The following SLC16A6 variants were observed in gnomAD, a reference collection of about 807,000 sequenced individuals.
SLC16A6 encodes the protein solute carrier family 16 member 6, also known as monocarboxylate transporter 7.
In SLC16A6, 15 loss-of-function variants were observed where a neutral mutation model predicts 33.8. The ratio of observed to expected loss-of-function variants is 0.44; its 90% CI spans 0.30 to 0.68. The LOEUF is 0.68. Among genes scored for constraint, SLC16A6 ranks in the 30% least tolerant of loss-of-function variants. SLC16A6 has a pLI of 0.10. For synonymous variants in SLC16A6, 219 were observed against 248.4 expected (o/e 0.88, Z 1.11); for missense variants, 451 against 661.5 (o/e 0.68, Z 3.49).
At chr17:68,278,584 G>A (rs2075597526) in intron 1 of SLC16A6, among the ~76,000 whole-genome samples, 1 of 150,582 alleles carries the variant, frequency 6.6e-6, no homozygotes, top group Admixed American at 6.6e-5. Context: ...ACAGGCATGT[G>A]CCACCACAGC....
At chr17:68,281,797 C>G (rs1216598882) in intron 1 of SLC16A6, among the ~76,000 whole-genome samples, 4 of 152,096 alleles carry the variant, frequency 2.6e-5, no homozygotes, top group African/African-American at 9.7e-5. Context: ...GAAAAGAACT[C>G]TTATACACTG....
Position 68,271,462 on chromosome 17 carries a change from G to A in SLC16A6, c.698C>T (p.Thr233Ile). 1 of 1,614,164 alleles carries A rather than the reference G, an allele frequency of 6.2e-7. No individual in the cohort carries two copies. The change falls in exon 5 of 6, where the codon ACC becomes ATC. Residue 233 changes from threonine (T) to isoleucine (I), a missense_variant. By Grantham distance (89) the Thr-to-Ile change is moderately conservative. This residue lies in a region of SLC16A6 where 405 missense variants were observed against 510.7 expected (regional missense o/e 0.79). Coordinates refer to ENST00000580666, the MANE Select transcript of SLC16A6 (RefSeq NM_004694.5). The surrounding 1 kb of genome is among the most constrained non-coding windows in gnomAD (Gnocchi z 5.3). ...TCCTGAGTCAATGGAGTCTATTGAGGTTCGTGTTTTCTCATTTTCAAGCAT... is the reference window on the plus strand; with the variant it reads ...TCCTGAGTCAATGGAGTCTATTGAGATTCGTGTTTTCTCATTTTCAAGCAT... ...QYMLENEKTR[T>I]SIDSIDSGVE...
chr17:68,287,167 A>G (rs1449947993), intron 1 of SLC16A6, among the ~76,000 whole-genome samples: 2 of 152,054 alleles, frequency 1.3e-5, no homozygotes, highest in African/African-American at 2.4e-5. Context: ...TTTAGTAGAG[A>G]TGGAGTTTCA....
rs1243144960 is a variant in SLC16A6 at position 68,267,319 on chromosome 17, G to GTTC, written c.*1774_*1776dup. On this transcript the variant is annotated 3_prime_UTR_variant, in exon 6 of 6. Transcript: ENST00000580666. ...TCTGCAAAACTGCCACAAGCTCAAA[G>GTTC]TTCTCAAGCAGTGACAGAGATTTGC... 6.6e-6 allele frequency: 1 copy of GTTC among 152,154 alleles called. No individual in the cohort carries two copies. The highest frequency in any genetic ancestry group is 1.5e-5 in the Non-Finnish European group (1 of 68,024). 9.4% of individuals were successfully genotyped at this position (152,154 alleles called of 1,614,324 possible). A position where few individuals can be genotyped will look rare whatever the true frequency, so the allele number is the denominator to read the frequency against.
chr17:68,283,261 C>T (rs140720333), intron 1 of SLC16A6: 6,503 of 152,472 alleles, frequency 0.043, 203 homozygotes, highest in Middle Eastern at 0.074. Flanking sequence ...TGGCTCACGC[C>T]TGTAATCCTA....
At chr17:68,276,667 T>C (rs1555751071) in intron 2 of SLC16A6, among the ~76,000 whole-genome samples, 2 of 152,260 alleles carry the variant, frequency 1.3e-5, no homozygotes, top group South Asian at 2.1e-4. Context: ...TTGCCCAGGC[T>C]AGTCTCAAAC....
In SLC16A6 at chr17:68,279,225, T is replaced by C. The variant is rs557132065; in HGVS notation, c.-7-898A>G. 9.1e-4 allele frequency among the ~76,000 whole-genome samples: 139 copies of C among 152,156 alleles called. 1 individual carries two copies. The highest frequency in any genetic ancestry group is 3.4e-3 in the Middle Eastern group (1 of 294). Reference sequence around the variant, plus strand: ...GAAAACGGAGGCTGAAAAGCAAACATTGGCGGTGCATCCAGCACCTTCCAC... The same window carrying C: ...GAAAACGGAGGCTGAAAAGCAAACACTGGCGGTGCATCCAGCACCTTCCAC... On this transcript the variant is annotated intron_variant, in intron 1 of 5. Transcript: ENST00000580666.
chr17:68,287,140 T>A (rs1599565571), intron 1 of SLC16A6, among the ~76,000 whole-genome samples: 1 of 152,154 alleles, frequency 6.6e-6, no homozygotes, highest in East Asian at 1.9e-4. Flanking sequence ...TGCGCCACCA[T>A]GCCCGGCTAA....
In SLC16A6 at chr17:68,278,204, G is replaced by A. The variant is rs141096283; in HGVS notation, c.117C>T (p.Tyr39=). 577 of 1,614,070 alleles carry A rather than the reference G, an allele frequency of 3.6e-4. 2 individuals are homozygous for A. Among genetic ancestry groups the A allele is most frequent in the Admixed American group, 3.8e-4 (23 of 60,016 alleles). Residue 39 remains tyrosine, a synonymous_variant, in exon 2 of 6, where the codon TAC becomes TAT. Coordinates refer to ENST00000580666, the MANE Select transcript of SLC16A6 (RefSeq NM_004694.5). Reference sequence around the variant, plus strand: ...AGACACCAAATGTCTTGATGATGCCGTAGGTGAAGACTTCAACGAAGAAAA... The same window carrying A: ...AGACACCAAATGTCTTGATGATGCCATAGGTGAAGACTTCAACGAAGAAAA... ...VSFFFVEVFT[Y]GIIKTFGVFF...
At chr17:68,269,836 G>T (rs12944412) in intron 5 of SLC16A6, among the ~76,000 whole-genome samples, 44,380 of 151,732 alleles carry the variant, frequency 0.29, 6,951 homozygotes, top group East Asian at 0.5. Context: ...ACCATGCCCA[G>T]CTACTTTTGT....
In SLC16A6 at chr17:68,271,302, G is replaced by A; in HGVS notation, c.858C>T (p.Phe286=). The change falls in exon 5 of 6, where the codon TTC becomes TTT. Residue 286 remains phenylalanine (F), a synonymous_variant. Transcript: ENST00000580666. The surrounding 1 kb of genome is among the most constrained non-coding windows in gnomAD (Gnocchi z 5.3). ...TAAAACTTTTCTCTTTCAAAATGGA[G>A]AAGTCTAATAGCGGGGCTTTCTTTT... ...PSEKKAPLLD[F]SILKEKSFIC... 6.2e-7 allele frequency: 1 copy of A among 1,614,222 alleles called. No homozygotes were observed. The highest frequency in any genetic ancestry group is 2.2e-5 in the East Asian group (1 of 44,890).
rs1555747218 is a variant in SLC16A6 at position 68,268,648 on chromosome 17, TGGGTTGGATGTTGTTTTATTC to T, written c.*427_*447del. 2.0e-5 allele frequency: 3 copies of T among 152,600 alleles called. No individual in the cohort carries two copies. The highest frequency in any genetic ancestry group is 6.5e-5 in the Admixed American group (1 of 15,334). 9.5% of individuals were successfully genotyped at this position (152,600 alleles called of 1,614,324 possible). ...ACTGGCCAATTTCATTTCAATGACC[TGGGTTGGATGTTGTTTTATTC>T]AGGAGAGTAGTTTATTCAGACAAGA... is the stretch of plus-strand genomic sequence containing the variant. On this transcript the variant is annotated 3_prime_UTR_variant, in exon 6 of 6. Transcript: ENST00000580666.
In SLC16A6 at chr17:68,272,769, T is replaced by A. The variant is rs1555749469; in HGVS notation, c.377-2A>T. The A allele has an allele frequency of 1.2e-6, 2 of 1,613,634 alleles. No homozygotes were observed. Among genetic ancestry groups the A allele is most frequent in the South Asian group, 1.1e-5 (1 of 91,022 alleles). The stretch of plus-strand genomic sequence containing the variant: ...GAAAACTAAAGCAGTATCCCAGACC[T>A]GTGAAAGAAAAGTCAAAAAAGCCAA... On this transcript the variant is annotated splice_acceptor_variant, in intron 3 of 5. Transcript: ENST00000580666. LOFTEE classifies it high-confidence loss of function.
chr17:68,276,615 A>G (rs537741058), intron 2 of SLC16A6, among the ~76,000 whole-genome samples: 11 of 151,516 alleles, frequency 7.3e-5, no homozygotes, highest in African/African-American at 2.4e-4. Flanking sequence ...TGCCCGGCCA[A>G]TTTTTTATTT....
chr17:68,273,093 A>G (rs1473156931), intron 3 of SLC16A6, among the ~76,000 whole-genome samples: 3 of 152,192 alleles, frequency 2.0e-5, no homozygotes, highest in East Asian at 3.8e-4. Flanking sequence ...CTAGAAAGAA[A>G]TAAGTCATTT....
intron 1 of SLC16A6, among the ~76,000 whole-genome samples, chr17:68,289,435 A>G (rs2075916623): frequency 6.6e-6 from 1 of 152,194 alleles, no homozygotes; most frequent in Non-Finnish European, 1.5e-5. Flanking sequence ...TCAGAGTGTT[A>G]TTCCAGGGTC....
chr17:68,288,228 C>T (rs1555754841), intron 1 of SLC16A6, among the ~76,000 whole-genome samples: 1 of 152,004 alleles, frequency 6.6e-6, no homozygotes, highest in East Asian at 1.9e-4. Flanking sequence ...TCTCAAACTC[C>T]TGACCTTGTG....
intron 5 of SLC16A6, among the ~76,000 whole-genome samples, chr17:68,270,322 A>G (rs1373745331): frequency 1.3e-5 from 2 of 152,046 alleles, no homozygotes; most frequent in Non-Finnish European, 2.9e-5. Flanking sequence ...TTGGGAGGCC[A>G]AGGCAGGCGG....
chr17:68,290,881 G>A (rs1470624972), intron 1 of SLC16A6, among the ~76,000 whole-genome samples: 1 of 150,632 alleles, frequency 6.6e-6, no homozygotes, highest in East Asian at 2.0e-4. Context: ...TACCCACACC[G>A]GCGCGAGCGC....
Sources: allele counts gnomAD v4.1 joint callset (sites outside exome capture counted in the v4.1 genomes callset), GRCh38; gene constraint gnomAD v4.1.1; regional missense constraint gnomAD v4.1.1; non-coding constraint Gnocchi (gnomAD v3.1); transcripts MANE v1.5; gene names NCBI Gene and HGNC (gene_info 2026-07-23, HGNC 2026-07-21).